YARS1: variants seen among roughly 807,000 people sequenced by gnomAD.
YARS1 encodes the protein tyrosyl-tRNA synthetase 1.
In YARS1, 36 loss-of-function variants were observed where a neutral mutation model predicts 62.2. That is an observed-to-expected ratio of 0.58 (90% CI 0.44 to 0.76). The LOEUF (loss-of-function observed/expected upper bound fraction) is 0.76. YARS1 is among the 30% of genes least tolerant of loss of function. YARS1 has a pLI of 0.00. For missense variants in YARS1, 524 were observed against 639.8 expected (o/e 0.82, Z 1.95); for synonymous variants, 234 against 244.9 (o/e 0.96, Z 0.42).
rs1362650835 is a variant in YARS1, at chr1:32,810,779, T to G, written c.205-13A>C. The G allele has an allele frequency of 6.2e-7, 1 of 1,614,062 alleles. No individual in the cohort carries two copies. Among genetic ancestry groups the G allele is most frequent in the East Asian group, 2.2e-5 (1 of 44,888 alleles). On this transcript the variant is annotated splice_polypyrimidine_tract_variant and intron_variant, in intron 2 of 12. Transcript: ENST00000373477. ...ACAGAATTGTTACCTGGACAAGAGA[T>G]AAGGGGCCACCAAAATGTGAATTTG...
Position 32,780,296 on chromosome 1 carries a change from C to T in YARS1, c.1141-18G>A. On this transcript the variant is annotated intron_variant, in intron 10 of 12. Transcript: ENST00000373477. The stretch of plus-strand genomic sequence containing the variant: ...TCTGGGTGCTGCCAGGGAGAGACGT[C>T]AGGAGGAAGAGGATCATCGTCCATT... 6.2e-7 allele frequency: 1 copy of T among 1,613,744 alleles called. No individual in the cohort carries two copies. The highest frequency in any genetic ancestry group is 8.5e-7 in the Non-Finnish European group (1 of 1,179,966).
chr1:32,806,368 A>T lies in YARS1; in HGVS notation c.510+114T>A, dbSNP rs1638466561. 3 of 1,571,448 alleles carry T rather than the reference A, an allele frequency of 1.9e-6. No homozygotes were observed. In the South Asian group the frequency reaches 3.4e-5, roughly 18 times the overall value. On this transcript the variant is annotated intron_variant, in intron 4 of 12. Coordinates refer to ENST00000373477, the MANE Select transcript of YARS1 (RefSeq NM_003680.4). ...TACACAGGGTTGCCACACACCTTCA[A>T]TTTGTAAAAAACACAATATCTGCGT... is the stretch of plus-strand genomic sequence containing the variant.
chr1:32,807,658 C>T (rs1343852215), intron 3 of YARS1, among the ~76,000 whole-genome samples: 4 of 151,932 alleles, frequency 2.6e-5, no homozygotes, highest in African/African-American at 9.7e-5. Flanking sequence ...TGGTTTCCCC[C>T]CATTGCCCAG....
In YARS1 at chr1:32,776,436, T is replaced by G. The variant is rs1319405871; in HGVS notation, c.1477-345A>C. Reference sequence around the variant, plus strand: ...TGTTGGGATTACAGGCGTGAGCCACTGCGCCCAGCCTGAAAACTCTCTTAT... The same window carrying G: ...TGTTGGGATTACAGGCGTGAGCCACGGCGCCCAGCCTGAAAACTCTCTTAT... On this transcript the variant is annotated intron_variant, in intron 12 of 12. Transcript: ENST00000373477. This position sits in a 1 kb window ranked among gnomAD's most constrained non-coding sequence, Gnocchi z 4.0. Among the ~76,000 whole-genome samples, 1 of 152,106 alleles carries G rather than the reference T, an allele frequency of 6.6e-6. No individual in the cohort carries two copies. The highest frequency in any genetic ancestry group is 1.5e-5 in the Non-Finnish European group (1 of 68,026).
At chr1:32,808,221 AT>A (rs58621825) in intron 3 of YARS1, among the ~76,000 whole-genome samples, 2,334 of 118,212 alleles carry the variant, frequency 0.02, 43 homozygotes, top group African/African-American at 0.059. Context: ...CTCCCCCACC[AT>A]TTTTTTTTTT....
chr1:32,815,440 G>A (rs1426486540), intron 1 of YARS1, among the ~76,000 whole-genome samples: 1 of 152,182 alleles, frequency 6.6e-6, no homozygotes, highest in Non-Finnish European at 1.5e-5. Context: ...ATTTTATGGA[G>A]AGAGAATAGG....
Position 32,781,153 on chromosome 1 carries a change from T to G in YARS1, c.1043-8A>C. On this transcript the variant is annotated splice_region_variant and splice_polypyrimidine_tract_variant and intron_variant, in intron 9 of 12. Coordinates refer to ENST00000373477, the MANE Select transcript of YARS1 (RefSeq NM_003680.4). ...GGCCTTTGGCCATTGGCTCTGGGAATGAGAAGAACCCCATGAGGTAGAATT... is the reference window on the plus strand; with the variant it reads ...GGCCTTTGGCCATTGGCTCTGGGAAGGAGAAGAACCCCATGAGGTAGAATT... 2 of 1,611,940 alleles carry G rather than the reference T, an allele frequency of 1.2e-6. No individual in the cohort carries two copies. The highest frequency in any genetic ancestry group is 1.7e-6 in the Non-Finnish European group (2 of 1,178,102).
At chr1:32,793,859 AG>A (rs1221245135) in intron 5 of YARS1, among the ~76,000 whole-genome samples, 1 of 152,254 alleles carries the variant, frequency 6.6e-6, no homozygotes, top group African/African-American at 2.4e-5. Flanking sequence ...ACCCAGTGAA[AG>A]AAATTGAAAG....
Position 32,779,505 on chromosome 1 carries a change from C to G in YARS1, c.1353G>C (p.Gln451His), listed in dbSNP as rs758809959. The G allele has an allele frequency of 1.9e-6, 3 of 1,614,210 alleles. No individual in the cohort carries two copies. In the Admixed American group the frequency reaches 5.0e-5, roughly 27 times the overall value. Residue 451 changes from glutamine (Q) to histidine (H), a missense_variant, in exon 12 of 13, where the codon CAG (glutamine) becomes CAC (histidine). Transcript: ENST00000373477. ...CTGCCGGAGGGTCCAGAGGTTCAAC[C>G]TGGCGGTTTATCCCTTCTCTGGGAA... ...LCASIEGINR[Q>H]VEPLDPPAGS...
At chr1:32,791,734 G>A (rs1416384399) in intron 5 of YARS1, among the ~76,000 whole-genome samples, 2 of 152,212 alleles carry the variant, frequency 1.3e-5, no homozygotes, top group East Asian at 3.9e-4. Context: ...CCCGGGAGGC[G>A]GAGGTTGCAG....
chr1:32,807,979 A>G (rs1422344531), intron 3 of YARS1, among the ~76,000 whole-genome samples: 54 of 151,882 alleles, frequency 3.6e-4, no homozygotes, highest in Admixed American at 3.5e-3. Context: ...GCACAATCAT[A>G]GTCACTGAAG....
intron 3 of YARS1, among the ~76,000 whole-genome samples, chr1:32,808,282 C>T (rs1039737671): frequency 3.3e-5 from 5 of 150,492 alleles, no homozygotes; most frequent in Non-Finnish European, 7.4e-5. Flanking sequence ...TGCAGTGGTG[C>T]GATCTCGGCT....
In YARS1 at chr1:32,806,633, G is replaced by C. The variant is rs1337213643; in HGVS notation, c.381-22C>G. On this transcript the variant is annotated intron_variant, in intron 3 of 12. Transcript: ENST00000373477. The stretch of plus-strand genomic sequence containing the variant: ...CTCTCTGAAGAGGAAAGGAAGAGGG[G>C]ACAGCTGTAAACCTGGGCCTAGGCC... 4 of 1,613,944 alleles carry C rather than the reference G, an allele frequency of 2.5e-6. No homozygotes were observed. In the African/African-American group the frequency reaches 5.3e-5, roughly 22 times the overall value.
At chr1:32,799,659 T>C (rs1653712537) in intron 4 of YARS1, among the ~76,000 whole-genome samples, 1 of 152,242 alleles carries the variant, frequency 6.6e-6, no homozygotes, top group Admixed American at 6.5e-5. Flanking sequence ...ATATTATATG[T>C]CTGTGCTGTC....
intron 12 of YARS1, among the ~76,000 whole-genome samples, chr1:32,777,168 T>G (rs1652892261): frequency 6.6e-6 from 1 of 151,846 alleles, no homozygotes; most frequent in African/African-American, 2.4e-5. Context: ...TAGCTGGGAT[T>G]ACAGGCATAC....
At position 32,801,932 on chromosome 1, in the gene YARS1, CTTG is replaced by C. The variant is rs531701435; in HGVS notation, c.511-4092_511-4090del. On this transcript the variant is annotated intron_variant, in intron 4 of 12. Coordinates refer to ENST00000373477, the MANE Select transcript of YARS1 (RefSeq NM_003680.4). The stretch of plus-strand genomic sequence containing the variant: ...AGGCTCCACTCCTAATTGTAGTTCT[CTTG>C]TTATTTCTTTTTTTTTTTTTTTTTT... Among the ~76,000 whole-genome samples the C allele has an allele frequency of 3.2e-3, 464 of 144,970 alleles. 1 individual carries two copies. Among genetic ancestry groups the C allele is most frequent in the African/African-American group, 0.011 (436 of 39,938 alleles).
chr1:32,781,167 T>A (rs747364022), intron 9 of YARS1, 22 bp from the exon 10 acceptor site: 5 of 1,598,196 alleles, frequency 3.1e-6, no homozygotes, highest in Non-Finnish European at 4.3e-6. Flanking sequence ...AAGAACCCCA[T>A]GAGGTAGAAT....
At chr1:32,783,531 G>GT (rs1653126596) in intron 8 of YARS1, 1 of 152,066 alleles carries the variant, frequency 6.6e-6, no homozygotes, top group Non-Finnish European at 1.5e-5. Context: ...GACTGGTCTT[G>GT]AACTCCTGAC....
rs1361230402 is a variant in YARS1 at position 32,791,259 on chromosome 1, G to C, written c.592-5C>G. On this transcript the variant is annotated splice_region_variant and splice_polypyrimidine_tract_variant and intron_variant, in intron 5 of 12. Coordinates refer to ENST00000373477, the MANE Select transcript of YARS1 (RefSeq NM_003680.4). ...ATAGCCAAGTGCAGGGAGGTACTGA[G>C]AGATTAGAGAAACACACAAAAGCCG... is the stretch of plus-strand genomic sequence containing the variant. 2 of 1,612,224 alleles carry C rather than the reference G, an allele frequency of 1.2e-6. No homozygotes were observed.
Sources: gnomAD v4.1 joint callset for allele counts (sites outside exome capture counted in the v4.1 genomes callset) on GRCh38, gnomAD v4.1.1 for gene constraint, Gnocchi (gnomAD v3.1) non-coding constraint, MANE v1.5 for transcripts, NCBI Gene and HGNC (gene_info 2026-07-23, HGNC 2026-07-21) for gene names.